CNTNAP3B: variants seen among roughly 807,000 people sequenced by gnomAD.
CNTNAP3B encodes contactin associated protein family member 3B.
A neutral mutation model predicts 108.9 loss-of-function variants in CNTNAP3B; 25 were observed. The ratio of observed to expected loss-of-function variants is 0.23; its 90% CI spans 0.17 to 0.32. The LOEUF is 0.32. CNTNAP3B is among the 10% of genes least tolerant of loss of function. The pLI is 1.00. For missense variants in CNTNAP3B, 252 were observed against 1,210.4 expected (o/e 0.21, Z 11.75); for synonymous variants, 103 against 473.4 (o/e 0.22, Z 10.16).
chr9:41,940,530 T>C (rs186228784), intron 13 of CNTNAP3B, among the ~76,000 whole-genome samples: 118 of 152,130 alleles, frequency 7.8e-4, no homozygotes, highest in African/African-American at 2.7e-3. Context: ...GGAAATAAAA[T>C]CTTTTTAGGC....
chr9:42,090,973 TACACACAC>T (rs548325172), intron 2 of CNTNAP3B, among the ~76,000 whole-genome samples: 2 of 37,788 alleles, frequency 5.3e-5, no homozygotes, highest in Admixed American at 3.7e-4. Context: ...TATATATATA[TACACACAC>T]ACACACACAC....
At chr9:41,929,744 A>T (rs1823919423) in intron 14 of CNTNAP3B, among the ~76,000 whole-genome samples, 1 of 131,854 alleles carries the variant, frequency 7.6e-6, no homozygotes, top group Admixed American at 7.5e-5. Context: ...TGCAATAAAA[A>T]TTTTTGGATA....
intron 3 of CNTNAP3B, among the ~76,000 whole-genome samples, chr9:42,029,594 A>G (rs1306875174): frequency 8.4e-6 from 1 of 119,592 alleles, no homozygotes; most frequent in Non-Finnish European, 1.7e-5. Context: ...GCAGTGGTGC[A>G]GTCTCGGCTC....
chr9:42,006,185 G>C lies in CNTNAP3B; in HGVS notation c.538+7193C>G, dbSNP rs990935040. On this transcript the variant is annotated intron_variant, in intron 4 of 23. Coordinates refer to ENST00000377561, the MANE Select transcript of CNTNAP3B (RefSeq NM_001201380.3). ...AGAGGCTGTGGTGGGGATTCACTGG[G>C]GGATCACTTTGTCTTCTCTAGCCTC... Among the ~76,000 whole-genome samples the C allele has an allele frequency of 1.4e-4, 7 of 51,602 alleles. 2 individuals carry two copies. Among genetic ancestry groups the C allele is most frequent in the African/African-American group, 4.2e-4 (7 of 16,706 alleles). The allele number at this position is 51,602 out of a possible 152,430, so 33.9% of individuals were successfully genotyped here. A position where few individuals can be genotyped will look rare whatever the true frequency, so the allele number is the denominator to read the frequency against.
rs1347550398 is a variant in CNTNAP3B, at chr9:42,049,491, GCCTT to G, written c.390+27374_390+27377del. 3.3e-4 allele frequency among the ~76,000 whole-genome samples: 44 copies of G among 133,938 alleles called. 5 individuals carry two copies. Among genetic ancestry groups the G allele is most frequent in the Non-Finnish European group, 6.8e-4 (43 of 63,420 alleles). 87.9% of individuals were successfully genotyped at this position (133,938 alleles called of 152,430 possible). A position where few individuals can be genotyped will look rare whatever the true frequency, so the allele number is the denominator to read the frequency against. On this transcript the variant is annotated intron_variant, in intron 3 of 23. Transcript: ENST00000377561. ...TAATTCTAGGTCAGTCTTCTCAGTTGCCTTCACAGGTTCTGCAAACAGCTGACTA... is the reference window on the plus strand; with the variant it reads ...TAATTCTAGGTCAGTCTTCTCAGTTGCACAGGTTCTGCAAACAGCTGACTA...
At chr9:42,033,456 ACT>A (rs1361956593) in intron 3 of CNTNAP3B, among the ~76,000 whole-genome samples, 2 of 122,978 alleles carry the variant, frequency 1.6e-5, no homozygotes, top group East Asian at 2.6e-4. Flanking sequence ...GTCTATCATG[ACT>A]CTGTATTTTC....
In CNTNAP3B at chr9:42,093,284, G is replaced by A. The variant is rs1827838148; in HGVS notation, c.196+11345C>T. Among the ~76,000 whole-genome samples the A allele has an allele frequency of 2.1e-5, 2 of 95,420 alleles. 1 individual carries two copies. The highest frequency in any genetic ancestry group is 7.8e-5 in the African/African-American group (2 of 25,542). 62.6% of individuals were successfully genotyped at this position (95,420 alleles called of 152,430 possible). ...AGCTTGAACCCAGGAAGCGGAGGTT[G>A]CAGTCAGCCGAGATCACGTCACTGC... On this transcript the variant is annotated intron_variant, in intron 2 of 23. Transcript: ENST00000377561.
intron 3 of CNTNAP3B, among the ~76,000 whole-genome samples, chr9:42,047,089 G>A (rs958525616): frequency 9.5e-5 from 8 of 84,188 alleles, no homozygotes; most frequent in Admixed American, 9.2e-4. Context: ...TTTAAAATAC[G>A]AGTTATGAGA....
At chr9:41,935,297 G>T (rs1824122691) in intron 14 of CNTNAP3B, among the ~76,000 whole-genome samples, 1 of 151,962 alleles carries the variant, frequency 6.6e-6, no homozygotes, top group African/African-American at 2.4e-5. Flanking sequence ...ATGGAAAAAT[G>T]GCGATGGTTT....
In CNTNAP3B at chr9:42,106,970, G is replaced by T. The variant is rs1388840094; in HGVS notation, c.86-2231C>A. 3.4e-5 allele frequency among the ~76,000 whole-genome samples: 3 copies of T among 88,410 alleles called. 1 individual carries two copies. The highest frequency in any genetic ancestry group is 7.0e-5 in the Non-Finnish European group (3 of 43,014). 58.0% of individuals were successfully genotyped at this position (88,410 alleles called of 152,430 possible). A position where few individuals can be genotyped will look rare whatever the true frequency, so the allele number is the denominator to read the frequency against. On this transcript the variant is annotated intron_variant, in intron 1 of 23. Coordinates refer to ENST00000377561, the MANE Select transcript of CNTNAP3B (RefSeq NM_001201380.3). ...TAAAATCTCTTCCTACATTAGAAAAGCATGATAGCTGTTCTCATGATGCCT... is the reference window on the plus strand; with the variant it reads ...TAAAATCTCTTCCTACATTAGAAAATCATGATAGCTGTTCTCATGATGCCT...
intron 3 of CNTNAP3B, among the ~76,000 whole-genome samples, chr9:42,026,655 C>A (rs1587209374): frequency 9.1e-6 from 1 of 109,336 alleles, no homozygotes; most frequent in Non-Finnish European, 1.9e-5. Flanking sequence ...AGAAGTTTAC[C>A]CATTCTAAAC....
chr9:41,966,371 G>A (rs1325463718), intron 10 of CNTNAP3B, among the ~76,000 whole-genome samples: 2 of 152,304 alleles, frequency 1.3e-5, no homozygotes, highest in African/African-American at 4.8e-5. Flanking sequence ...CTATCAACAT[G>A]TATACACTAT....
At chr9:41,942,148 G>A (rs1303413578) in intron 13 of CNTNAP3B, among the ~76,000 whole-genome samples, 6 of 152,280 alleles carry the variant, frequency 3.9e-5, no homozygotes, top group African/African-American at 9.6e-5. Context: ...CAGGAAGACA[G>A]GTTCTCTAAA....
intron 3 of CNTNAP3B, among the ~76,000 whole-genome samples, chr9:42,076,484 C>CAATTCTTCAA (rs1827493833): frequency 8.5e-6 from 1 of 117,720 alleles, no homozygotes; most frequent in East Asian, 2.6e-4. Flanking sequence ...AAAGGACACA[C>CAATTCTTCAA]AATTCTTCAA....
intron 1 of CNTNAP3B, among the ~76,000 whole-genome samples, chr9:42,107,889 C>T (rs1490390876): frequency 7.9e-6 from 1 of 126,646 alleles, no homozygotes; most frequent in Non-Finnish European, 1.6e-5. Context: ...GCAGGAGAAT[C>T]GCTTGAACCT....
chr9:41,958,392 C>G (rs866533264), intron 12 of CNTNAP3B, among the ~76,000 whole-genome samples: 1 of 152,288 alleles, frequency 6.6e-6, no homozygotes, highest in Non-Finnish European at 1.5e-5. Flanking sequence ...GCTATCTTCC[C>G]TCCTCAGCTT....
chr9:42,030,821 A>AG (rs1270708976), intron 3 of CNTNAP3B, among the ~76,000 whole-genome samples: 6 of 121,172 alleles, frequency 5.0e-5, no homozygotes, highest in African/African-American at 1.4e-4. Flanking sequence ...GAGGAGAGAG[A>AG]GAGAGAGAGA....
rs927692847 is a variant in CNTNAP3B, at chr9:41,930,377, T to C, written c.2238-933A>G. Among the ~76,000 whole-genome samples the C allele has an allele frequency of 1.3e-4, 20 of 152,386 alleles. No homozygotes were observed. The South Asian group carries it at 2.9e-3, about 22-fold the overall frequency. ...GGGCAACATAGTGAGGCCCCGTCTC[T>C]ACAAAAAATACAAAAATTAGCTGGG... On this transcript the variant is annotated intron_variant, in intron 14 of 23. Transcript: ENST00000377561.
At chr9:42,103,559 T>TA (rs761806373) in intron 2 of CNTNAP3B, among the ~76,000 whole-genome samples, 1,911 of 87,630 alleles carry the variant, frequency 0.022, 264 homozygotes, top group African/African-American at 0.078. Flanking sequence ...CCGTCCCTGC[T>TA]AAAAAAAAAA....
Sources: allele counts gnomAD v4.1 joint callset (sites outside exome capture counted in the v4.1 genomes callset), GRCh38; gene constraint gnomAD v4.1.1; transcripts MANE v1.5; gene names NCBI Gene and HGNC (gene_info 2026-07-23, HGNC 2026-07-21).